Variants in PDSS2 observed in about 807,000 individuals in gnomAD.
PDSS2 encodes all trans-polyprenyl-diphosphate synthase PDSS2.
In PDSS2, 31 loss-of-function variants were observed where a neutral mutation model predicts 44.5. The observed-to-expected ratio is 0.70, with a 90% CI of 0.52 to 0.94. The LOEUF (loss-of-function observed/expected upper bound fraction) is 0.94, where lower values mean the gene tolerates loss of function less well. Ranked by LOEUF, PDSS2 falls within the 40% of genes least tolerant of loss-of-function variation. PDSS2 has a pLI of 0.00. For missense variants in PDSS2, 452 were observed against 482.2 expected (o/e 0.94, Z 0.59); for synonymous variants, 157 against 180.3 (o/e 0.87, Z 1.03).
At chr6:107,255,949 C>A (rs1775004517) in intron 3 of PDSS2, among the ~76,000 whole-genome samples, 1 of 152,054 alleles carries the variant, frequency 6.6e-6, no homozygotes, top group Non-Finnish European at 1.5e-5. Context: ...GCATTTCAAT[C>A]TTGTAGGCTT....
At chr6:107,192,453 A>G in intron 7 of PDSS2, 1 of 450,548 alleles carries the variant, frequency 2.2e-6, no homozygotes. Flanking sequence ...TGGGGAGAAA[A>G]GACCTGAGAC....
In PDSS2 at chr6:107,455,754, C is replaced by CAAAAA. The variant is rs60783838; in HGVS notation, c.296+3231_296+3235dup. Among the ~76,000 whole-genome samples, 108 of 55,682 alleles carry CAAAAA rather than the reference C, an allele frequency of 1.9e-3. 8 individuals carry two copies. Among genetic ancestry groups the CAAAAA allele is most frequent in the African/African-American group, 8.2e-3 (101 of 12,388 alleles). 36.5% of individuals were successfully genotyped at this position (55,682 alleles called of 152,430 possible). A position where few individuals can be genotyped will look rare whatever the true frequency, so the allele number is the denominator to read the frequency against. ...CTGGCGATAGAGCGAGACTCTGTCT[C>CAAAAA]AAAAAAAAAAAAAAAAAAAAAAAAA... On this transcript the variant is annotated intron_variant, in intron 1 of 7. Coordinates refer to ENST00000369037, the MANE Select transcript of PDSS2 (RefSeq NM_020381.4).
At chr6:107,332,092 A>G (rs1777728821) in intron 2 of PDSS2, among the ~76,000 whole-genome samples, 1 of 134,890 alleles carries the variant, frequency 7.4e-6, no homozygotes, top group Non-Finnish European at 1.6e-5. Context: ...TTTCTACAAA[A>G]TTTATAAGGT....
At chr6:107,340,983 A>G (rs913634496) in intron 1 of PDSS2, among the ~76,000 whole-genome samples, 1 of 152,118 alleles carries the variant, frequency 6.6e-6, no homozygotes, top group Non-Finnish European at 1.5e-5. Context: ...GGAAATCTGG[A>G]GGCATAAGTG....
At chr6:107,268,764 T>C (rs1028087587) in intron 3 of PDSS2, among the ~76,000 whole-genome samples, 1 of 152,146 alleles carries the variant, frequency 6.6e-6, no homozygotes, top group African/African-American at 2.4e-5. Context: ...CTTTCAATTA[T>C]GGAGAAAATT....
At chr6:107,242,505 A>G (rs1774473709) in intron 4 of PDSS2, among the ~76,000 whole-genome samples, 1 of 151,778 alleles carries the variant, frequency 6.6e-6, no homozygotes, top group Non-Finnish European at 1.5e-5. Context: ...TGGCCTCCCA[A>G]AGTGCTAGGA....
At chr6:107,435,857 GA>G (rs1781334113) in intron 1 of PDSS2, among the ~76,000 whole-genome samples, 1 of 151,858 alleles carries the variant, frequency 6.6e-6, no homozygotes, top group Admixed American at 6.6e-5. Context: ...TGAAGCAAAT[GA>G]AATAATATTC....
rs141709441 is a variant in PDSS2, at chr6:107,373,529, T to C, written c.297-39197A>G. 4.4e-3 allele frequency among the ~76,000 whole-genome samples: 674 copies of C among 152,330 alleles called. 3 individuals are homozygous for C. The highest frequency in any genetic ancestry group is 6.4e-3 in the Non-Finnish European group (435 of 68,030). On this transcript the variant is annotated intron_variant, in intron 1 of 7. Coordinates refer to ENST00000369037, the MANE Select transcript of PDSS2 (RefSeq NM_020381.4). Reference sequence around the variant, plus strand: ...GAGACAGACTGTAGTCTTATCTTGTTCTCCACTGTTGCTTGTATTCTCACA... The same window carrying C: ...GAGACAGACTGTAGTCTTATCTTGTCCTCCACTGTTGCTTGTATTCTCACA...
intron 2 of PDSS2, among the ~76,000 whole-genome samples, chr6:107,321,250 T>C (rs1028985029): frequency 1.3e-5 from 2 of 152,094 alleles, no homozygotes; most frequent in African/African-American, 4.8e-5. Context: ...AGGGACAAGA[T>C]AAATATGCAG....
chr6:107,320,878 T>C (rs972661399), intron 2 of PDSS2, among the ~76,000 whole-genome samples: 1 of 152,192 alleles, frequency 6.6e-6, no homozygotes, highest in African/African-American at 2.4e-5. Context: ...AGAAAGTATA[T>C]GTAAGGCACC....
chr6:107,322,584 C>T (rs936768641), intron 2 of PDSS2, among the ~76,000 whole-genome samples: 3 of 151,260 alleles, frequency 2.0e-5, no homozygotes, highest in Admixed American at 6.6e-5. Context: ...GTGGCTCATG[C>T]CTGTAATCCC....
intron 4 of PDSS2, among the ~76,000 whole-genome samples, chr6:107,213,453 C>T (rs1041208629): frequency 4.6e-5 from 7 of 151,698 alleles, no homozygotes; most frequent in African/African-American, 1.7e-4. Context: ...CCCAGTTTAC[C>T]CTCTATCTTA....
At chr6:107,239,634 C>CTTTTTTTTT (rs1177940710) in intron 4 of PDSS2, among the ~76,000 whole-genome samples, 8 of 76,938 alleles carry the variant, frequency 1.0e-4, no homozygotes, top group East Asian at 4.6e-4. Flanking sequence ...TGTACTCTAC[C>CTTTTTTTTT]TTTTTTTTTT....
At position 107,324,121 on chromosome 6, in the gene PDSS2, T is replaced by C. The variant is rs547574473; in HGVS notation, c.431+10077A>G. 3.9e-5 allele frequency among the ~76,000 whole-genome samples: 6 copies of C among 152,324 alleles called. No individual in the cohort carries two copies. The South Asian group carries it at 1.2e-3, about 32-fold the overall frequency. On this transcript the variant is annotated intron_variant, in intron 2 of 7. Transcript: ENST00000369037. ...AACATATAATTGCTGCATTTGTGCA[T>C]GCTGTGCAAGTTGAACATAACAATA...
intron 1 of PDSS2, among the ~76,000 whole-genome samples, chr6:107,348,127 G>A (rs988533101): frequency 2.6e-5 from 4 of 152,240 alleles, no homozygotes; most frequent in African/African-American, 9.6e-5. Flanking sequence ...CTATCTTTTC[G>A]ACTGACTTTT....
chr6:107,251,064 C>T (rs1774801112), intron 3 of PDSS2, among the ~76,000 whole-genome samples: 1 of 152,122 alleles, frequency 6.6e-6, no homozygotes, highest in Non-Finnish European at 1.5e-5. Flanking sequence ...CCATGTTGGC[C>T]AGACTGGTCT....
Position 107,317,736 on chromosome 6 carries a change from G to A in PDSS2, c.431+16462C>T, listed in dbSNP as rs560222622. ...AATAACATGCAGATCACCTTTTACC[G>A]TTTGAAAATGGCACCAAATTAGTAA... On this transcript the variant is annotated intron_variant, in intron 2 of 7. Coordinates refer to ENST00000369037, the MANE Select transcript of PDSS2 (RefSeq NM_020381.4). Among the ~76,000 whole-genome samples, 232 of 152,162 alleles carry A rather than the reference G, an allele frequency of 1.5e-3. 1 individual carries two copies. Among genetic ancestry groups the A allele is most frequent in the African/African-American group, 5.1e-3 (212 of 41,526 alleles).
chr6:107,428,142 G>A (rs193126698), intron 1 of PDSS2, among the ~76,000 whole-genome samples: 65 of 152,254 alleles, frequency 4.3e-4, no homozygotes, highest in African/African-American at 1.5e-3. Context: ...AGACTCATAA[G>A]GAATTTTATA....
chr6:107,262,763 C>T (rs980690207), intron 3 of PDSS2, among the ~76,000 whole-genome samples: 15 of 151,332 alleles, frequency 9.9e-5, no homozygotes, highest in Non-Finnish European at 2.9e-5. Context: ...CAGAATGAGA[C>T]TCTGTCTCAA....
Sources: allele counts gnomAD v4.1 joint callset (sites outside exome capture counted in the v4.1 genomes callset), GRCh38; gene constraint gnomAD v4.1.1; transcripts MANE v1.5; gene names NCBI Gene and HGNC (gene_info 2026-07-23, HGNC 2026-07-21).